The following ADD2 variants were observed in gnomAD, a reference collection of about 807,000 sequenced individuals.
ADD2 encodes beta-adducin.
Under a neutral mutation model 83.0 loss-of-function variants are expected in ADD2, and 23 were observed. The ratio of observed to expected loss-of-function variants is 0.28; its 90% CI spans 0.20 to 0.39. The LOEUF (loss-of-function observed/expected upper bound fraction) is 0.39, where lower values mean the gene tolerates loss of function less well. ADD2 is among the 10% of genes least tolerant of loss of function. The pLI is 1.00. For missense variants in ADD2, 758 were observed against 944.9 expected (o/e 0.80, Z 2.59); for synonymous variants, 375 against 375.4 (o/e 1.00, Z 0.01).
chr2:70,753,711 A>G (rs537552710), intron 1 of ADD2, among the ~76,000 whole-genome samples: 19 of 152,122 alleles, frequency 1.2e-4, no homozygotes, highest in African/African-American at 4.3e-4. Flanking sequence ...AGAAAAGAGG[A>G]GTGAATTCGT....
intron 6 of ADD2, among the ~76,000 whole-genome samples, chr2:70,694,672 C>T (rs782747948): frequency 1.4e-4 from 21 of 152,102 alleles, no homozygotes; most frequent in Non-Finnish European, 2.6e-4. Flanking sequence ...CTGCTTACCC[C>T]GCTGGTTCAT....
intron 1 of ADD2, among the ~76,000 whole-genome samples, chr2:70,713,502 T>C (rs1298468602): frequency 2.6e-5 from 4 of 152,092 alleles, no homozygotes; most frequent in African/African-American, 9.7e-5. Context: ...TCCCAGCTAC[T>C]CTGGAGGCTG....
At chr2:70,735,717 T>A (rs547291208) in intron 1 of ADD2, among the ~76,000 whole-genome samples, 231 of 152,052 alleles carry the variant, frequency 1.5e-3, no homozygotes, top group African/African-American at 4.9e-3. Flanking sequence ...CCCCGCTTTT[T>A]TTTTTTTGCT....
At chr2:70,751,985 C>T (rs1211879568) in intron 1 of ADD2, among the ~76,000 whole-genome samples, 8 of 152,188 alleles carry the variant, frequency 5.3e-5, no homozygotes, top group African/African-American at 1.9e-4. Context: ...TTCAGCAAAG[C>T]ACATCAAGAC....
chr2:70,736,585 A>G (rs1673573684), intron 1 of ADD2, among the ~76,000 whole-genome samples: 1 of 152,254 alleles, frequency 6.6e-6, no homozygotes, highest in Non-Finnish European at 1.5e-5. Flanking sequence ...CAAGTAAGAC[A>G]TGACACAGGA....
At chr2:70,683,858 T>A (rs1427292952) in intron 9 of ADD2, 91 bp from the exon 10 acceptor site, 10 of 1,401,638 alleles carry the variant, frequency 7.1e-6, no homozygotes, top group African/African-American at 3.0e-5. Context: ...GAATGGGGAG[T>A]CCAGAGGAGA....
chr2:70,755,527 C>T (rs546831811), intron 1 of ADD2, among the ~76,000 whole-genome samples: 8 of 152,202 alleles, frequency 5.3e-5, no homozygotes, highest in Non-Finnish European at 1.2e-4. Flanking sequence ...TGGCTCGTGG[C>T]ATCCCCAGCA....
intron 8 of ADD2, among the ~76,000 whole-genome samples, chr2:70,688,801 G>A (rs1057301441): frequency 5.9e-5 from 9 of 152,122 alleles, no homozygotes; most frequent in Admixed American, 5.9e-4. Context: ...ATAAAAGCCT[G>A]AAAAGACTAA....
chr2:70,664,722 T>C (rs1268360235), intron 15 of ADD2, among the ~76,000 whole-genome samples: 4 of 150,148 alleles, frequency 2.7e-5, no homozygotes, highest in Admixed American at 2.6e-4. Context: ...TGTGTACAAG[T>C]GTGTGTGAGT....
rs1445913652 is a variant in ADD2, at chr2:70,704,303, T to G, written c.322+18A>C. ...CCCCTCCACCTCTGCTCCTGGCAGC[T>G]CCCCAGACACCACATACTCATGGAA... On this transcript the variant is annotated intron_variant, in intron 4 of 15. Transcript: ENST00000264436. The G allele has an allele frequency of 8.5e-7, 1 of 1,176,378 alleles. No homozygotes were observed. The highest frequency in any genetic ancestry group is 1.1e-6 in the Non-Finnish European group (1 of 888,796). 72.9% of individuals were successfully genotyped at this position (1,176,378 alleles called of 1,614,324 possible).
At chr2:70,754,492 G>A (rs149455576) in intron 1 of ADD2, among the ~76,000 whole-genome samples, 87 of 152,018 alleles carry the variant, frequency 5.7e-4, no homozygotes, top group Non-Finnish European at 1.1e-3. Flanking sequence ...CATCACCTTG[G>A]AAGCACAGTC....
At chr2:70,740,464 T>C (rs1293565291) in intron 1 of ADD2, among the ~76,000 whole-genome samples, 1 of 152,166 alleles carries the variant, frequency 6.6e-6, no homozygotes, top group African/African-American at 2.4e-5. Flanking sequence ...TAGATTTGGG[T>C]GGCAAAAATT....
In ADD2 at chr2:70,661,992, GAATGT is replaced by G. The variant is rs1472917489; in HGVS notation, c.*1428_*1432del. 2 of 152,222 alleles carry G rather than the reference GAATGT, an allele frequency of 1.3e-5. No individual in the cohort carries two copies. The highest frequency in any genetic ancestry group is 4.8e-5 in the African/African-American group (2 of 41,448). The allele number at this position is 152,222 out of a possible 1,614,324, so 9.4% of individuals were successfully genotyped here. Reference sequence around the variant, plus strand: ...TCAAAGGATTACTGTGAGGGTTAAAGAATGTAATGTATGTGAAGCCTGCACAGTGT... The same window carrying G: ...TCAAAGGATTACTGTGAGGGTTAAAGAATGTATGTGAAGCCTGCACAGTGT... On this transcript the variant is annotated 3_prime_UTR_variant, in exon 16 of 16. Coordinates refer to ENST00000264436, the MANE Select transcript of ADD2 (RefSeq NM_001617.4).
At chr2:70,682,080 G>A (rs1670482062) in intron 10 of ADD2, among the ~76,000 whole-genome samples, 1 of 152,142 alleles carries the variant, frequency 6.6e-6, no homozygotes, top group African/African-American at 2.4e-5. Context: ...AAGATTTATA[G>A]ATTGATATTA....
chr2:70,690,370 T>C (rs781942741), intron 8 of ADD2, among the ~76,000 whole-genome samples: 7 of 152,244 alleles, frequency 4.6e-5, no homozygotes, highest in African/African-American at 1.2e-4. Flanking sequence ...GTGTTGGGAT[T>C]ACGGGCATGA....
In ADD2 at chr2:70,676,078, G is replaced by T; in HGVS notation, c.1593+718C>A. 1 of 985,360 alleles carries T rather than the reference G, an allele frequency of 1.0e-6. No homozygotes were observed. Among genetic ancestry groups the T allele is most frequent in the Non-Finnish European group, 1.2e-6 (1 of 829,940 alleles). 61.0% of individuals were successfully genotyped at this position (985,360 alleles called of 1,614,324 possible). On this transcript the variant is annotated intron_variant, in intron 13 of 15. Transcript: ENST00000264436. The surrounding 1 kb of genome is among the most constrained non-coding windows in gnomAD (Gnocchi z 4.8). ...TGAAATCATTGCATCATCACAATTT[G>T]CCCTGCAGAGAGGAACATTTCCTGT... is the stretch of plus-strand genomic sequence containing the variant.
intron 1 of ADD2, among the ~76,000 whole-genome samples, chr2:70,731,036 G>A (rs1558565780): frequency 6.6e-6 from 1 of 152,198 alleles, no homozygotes; most frequent in Non-Finnish European, 1.5e-5. Flanking sequence ...CATCAATGCG[G>A]CCAAATGAGA....
At chr2:70,752,535 G>A (rs1161620218) in intron 1 of ADD2, among the ~76,000 whole-genome samples, 1 of 152,130 alleles carries the variant, frequency 6.6e-6, no homozygotes, top group African/African-American at 2.4e-5. Context: ...AAAGATTTGG[G>A]ATATGTTTTG....
At chr2:70,712,246 C>T (rs1415241367) in intron 2 of ADD2, among the ~76,000 whole-genome samples, 1 of 151,900 alleles carries the variant, frequency 6.6e-6, no homozygotes, top group Non-Finnish European at 1.5e-5. Context: ...GAGTTCAAGA[C>T]CAGCCTGGCC....
Sources: allele counts gnomAD v4.1 joint callset (sites outside exome capture counted in the v4.1 genomes callset), GRCh38; gene constraint gnomAD v4.1.1; non-coding constraint Gnocchi (gnomAD v3.1); transcripts MANE v1.5; gene names NCBI Gene and HGNC (gene_info 2026-07-23, HGNC 2026-07-21).